The following SUFU variants were observed in gnomAD, a reference collection of about 807,000 sequenced individuals.
SUFU encodes the protein SUFU negative regulator of hedgehog signaling, also known as suppressor of fused homolog.
In SUFU, 7 loss-of-function variants were observed where a neutral mutation model predicts 58.9. The observed-to-expected ratio is 0.12, with a 90% CI of 0.07 to 0.22. The LOEUF (loss-of-function observed/expected upper bound fraction) is 0.22, where lower values mean the gene tolerates loss of function less well. SUFU is among the 10% of genes least tolerant of loss of function. The pLI is 1.00. For missense variants in SUFU, 451 were observed against 641.3 expected (o/e 0.70, Z 3.20); for synonymous variants, 232 against 254.8 (o/e 0.91, Z 0.85).
intron 9 of SUFU, among the ~76,000 whole-genome samples, 157 bp downstream of exon 9, chr10:102,615,559 G>A (rs2063677712): frequency 6.6e-6 from 1 of 152,184 alleles, no homozygotes; most frequent in Admixed American, 6.5e-5. Flanking sequence ...CTGTCTCCCT[G>A]ATGAGGGTGA....
rs754329304 is a variant in SUFU, at chr10:102,629,013, G to T, written c.1366-1053G>T. Among the ~76,000 whole-genome samples the T allele has an allele frequency of 6.6e-6, 1 of 152,112 alleles. No individual in the cohort carries two copies. Among genetic ancestry groups the T allele is most frequent in the Non-Finnish European group, 1.5e-5 (1 of 68,024 alleles). ...TCTACTAATAATACAATAATTAGCC[G>T]GGCTTGGTGGTGCATGCCTGTAATC... On this transcript the variant is annotated intron_variant, in intron 11 of 11. Transcript: ENST00000369902. This position sits in a 1 kb window ranked among gnomAD's most constrained non-coding sequence, Gnocchi z 4.7.
At chr10:102,615,424 C>T in intron 9 of SUFU, 22 bp downstream of exon 9, 2 of 1,613,932 alleles carry the variant, frequency 1.2e-6, no homozygotes, top group Non-Finnish European at 1.7e-6. Flanking sequence ...AGCCCTGCCA[C>T]ACAGTTTACC....
chr10:102,574,486 A>G (rs2063193639), intron 3 of SUFU, among the ~76,000 whole-genome samples: 1 of 152,198 alleles, frequency 6.6e-6, no homozygotes, highest in Non-Finnish European at 1.5e-5. Flanking sequence ...TGTGGCTCAC[A>G]TTTGTAGTGC....
rs1441575441 is a variant in SUFU at position 102,525,461 on chromosome 10, A to G, written c.317+16158A>G. ...GTACCTCCATCCCAGCAACTGGCACAGTGCTTAGTATGTGTCAAGCACTTA... is the reference window on the plus strand; with the variant it reads ...GTACCTCCATCCCAGCAACTGGCACGGTGCTTAGTATGTGTCAAGCACTTA... On this transcript the variant is annotated intron_variant, in intron 2 of 11. Transcript: ENST00000369902. 2.6e-5 allele frequency among the ~76,000 whole-genome samples: 4 copies of G among 151,948 alleles called. No individual in the cohort carries two copies. In the East Asian group the frequency reaches 7.7e-4, roughly 29 times the overall value.
intron 3 of SUFU, chr10:102,591,762 C>T (rs2063404951): frequency 6.6e-6 from 1 of 152,164 alleles, no homozygotes. Context: ...ACCTTGGCAC[C>T]CACGATGAGA....
intron 3 of SUFU, among the ~76,000 whole-genome samples, chr10:102,590,606 G>A (rs935051142): frequency 4.6e-5 from 7 of 151,858 alleles, no homozygotes; most frequent in African/African-American, 1.5e-4. Flanking sequence ...TGGTAATACT[G>A]GTTTCATAGA....
chr10:102,536,165 A>G (rs1292350878), intron 2 of SUFU, among the ~76,000 whole-genome samples: 5 of 151,416 alleles, frequency 3.3e-5, no homozygotes, highest in Admixed American at 2.6e-4. Flanking sequence ...CGGTTTCACC[A>G]TGTTGGCCAG....
intron 2 of SUFU, among the ~76,000 whole-genome samples, chr10:102,549,123 G>T (rs2062883080): frequency 6.6e-6 from 1 of 152,214 alleles, no homozygotes; most frequent in African/African-American, 2.4e-5. Context: ...GCCACCCAAG[G>T]TTGTACCCTT....
chr10:102,564,643 G>A (rs1448022209), intron 3 of SUFU, among the ~76,000 whole-genome samples: 2 of 152,112 alleles, frequency 1.3e-5, no homozygotes, highest in South Asian at 2.1e-4. Flanking sequence ...TCAAGCTCTC[G>A]TTTCCTGGTT....
intron 2 of SUFU, among the ~76,000 whole-genome samples, chr10:102,535,155 C>CCCT (rs1467692006): frequency 1.3e-5 from 2 of 152,124 alleles, no homozygotes; most frequent in African/African-American, 2.4e-5. Flanking sequence ...TCCATCCAGC[C>CCCT]TGGGACCAGG....
chr10:102,570,517 T>G (rs2063149154), intron 3 of SUFU, among the ~76,000 whole-genome samples: 1 of 149,552 alleles, frequency 6.7e-6, no homozygotes, highest in African/African-American at 2.5e-5. Context: ...GACCATTTAT[T>G]AATGCTGGGG....
intron 8 of SUFU, among the ~76,000 whole-genome samples, chr10:102,609,284 A>C (rs1471411962): frequency 6.6e-6 from 1 of 151,836 alleles, no homozygotes; most frequent in South Asian, 2.1e-4. Flanking sequence ...GTGCTCAATA[A>C]AGATGTCTCT....
chr10:102,520,780 G>A (rs10786673), intron 2 of SUFU, among the ~76,000 whole-genome samples: 53,352 of 151,990 alleles, frequency 0.35, 9,516 homozygotes, highest in African/African-American at 0.39. Context: ...AGATTCCGCC[G>A]TGCCTTTTGG....
chr10:102,588,163 G>A (rs1428942744), intron 3 of SUFU, among the ~76,000 whole-genome samples: 4 of 152,094 alleles, frequency 2.6e-5, no homozygotes, highest in African/African-American at 7.2e-5. Context: ...TTGGGAGGCC[G>A]AGGCACGCGG....
rs563903386 is a variant in SUFU at position 102,537,577 on chromosome 10, C to A, written c.318-12393C>A. ...ACTCCCCCTTCTCACTTCCTCCAAA[C>A]CCTGGCAACCACCATCTTATTTCTG... On this transcript the variant is annotated intron_variant, in intron 2 of 11. Transcript: ENST00000369902. Among the ~76,000 whole-genome samples, 16 of 152,308 alleles carry A rather than the reference C, an allele frequency of 1.1e-4. 2 individuals carry two copies. Among genetic ancestry groups the A allele is most frequent in the African/African-American group, 3.8e-4 (16 of 41,574 alleles).
At chr10:102,612,594 C>T (rs2063638080) in intron 8 of SUFU, among the ~76,000 whole-genome samples, 1 of 152,146 alleles carries the variant, frequency 6.6e-6, no homozygotes, top group Non-Finnish European at 1.5e-5. Context: ...CACCCCACCT[C>T]CCATTGCTAT....
chr10:102,537,312 G>T (rs1228978758), intron 2 of SUFU, among the ~76,000 whole-genome samples: 5 of 151,884 alleles, frequency 3.3e-5, no homozygotes, highest in Middle Eastern at 3.4e-3. Flanking sequence ...TAAATTGCTT[G>T]TAGAGATGGG....
chr10:102,613,132 C>T (rs184111186), intron 8 of SUFU, among the ~76,000 whole-genome samples: 9 of 152,170 alleles, frequency 5.9e-5, no homozygotes, highest in Admixed American at 5.2e-4. Flanking sequence ...GTCTGACGCA[C>T]GGTGAGGGGG....
rs2063843464 is a variant in SUFU at position 102,632,150 on chromosome 10, C to G, written c.*1995C>G. 4.3e-6 allele frequency: 1 copy of G among 233,202 alleles called. No individual in the cohort carries two copies. Among genetic ancestry groups the G allele is most frequent in the Non-Finnish European group, 8.5e-6 (1 of 118,150 alleles). The allele number at this position is 233,202 out of a possible 1,614,324, so 14.4% of individuals were successfully genotyped here. A position where few individuals can be genotyped will look rare whatever the true frequency, so the allele number is the denominator to read the frequency against. ...CCGTACTTCCATCTGCTGGGTGCCT[C>G]CATCGTTGGTTGGGTGGGGATGGGG... On this transcript the variant is annotated 3_prime_UTR_variant, in exon 12 of 12. Transcript: ENST00000369902.
Sources: allele counts gnomAD v4.1 joint callset (sites outside exome capture counted in the v4.1 genomes callset), GRCh38; gene constraint gnomAD v4.1.1; non-coding constraint Gnocchi (gnomAD v3.1); transcripts MANE v1.5; gene names NCBI Gene and HGNC (gene_info 2026-07-23, HGNC 2026-07-21).